Variants in RANBP2 observed in about 807,000 individuals in gnomAD.
RANBP2 encodes the protein RAN binding protein 2.
A neutral mutation model predicts 303.6 loss-of-function variants in RANBP2; 57 were observed. The ratio of observed to expected loss-of-function variants is 0.19; its 90% confidence interval spans 0.15 to 0.23. RANBP2 has a LOEUF of 0.23. Among genes scored for constraint, RANBP2 ranks in the 10% least tolerant of loss-of-function variants. The pLI is 1.00. For missense variants in RANBP2, 3,138 were observed against 3,780.8 expected (o/e 0.83, Z 4.46); for synonymous variants, 1,167 against 1,301.5 (o/e 0.90, Z 2.23).
chr2:109,473,290 G>C, the RANBP2 span, among the ~76,000 whole-genome samples: 1 of 152,228 alleles, frequency 6.6e-6, no homozygotes, highest in African/African-American at 2.4e-5. Flanking sequence ...GGGCCCTGCA[G>C]AGCCAGAGCC....
the RANBP2 span, among the ~76,000 whole-genome samples, chr2:109,703,968 G>A: frequency 6.6e-6 from 1 of 152,170 alleles, no homozygotes; most frequent in African/African-American, 2.4e-5. Context: ...AAAATGGCCT[G>A]GAGCTGCCAA....
chr2:109,437,018 G>A, the RANBP2 span: 1 of 1,613,774 alleles, frequency 6.2e-7, no homozygotes, highest in African/African-American at 1.3e-5. Flanking sequence ...ACTGCCACCA[G>A]GCCCGCCCTG....
rs566726097 is a variant in RANBP2 at position 108,738,392 on chromosome 2, C to G, written c.783-2097C>G. 3.1e-3 allele frequency among the ~76,000 whole-genome samples: 474 copies of G among 151,776 alleles called. 2 individuals carry two copies. The highest frequency in any genetic ancestry group is 5.7e-3 in the Non-Finnish European group (386 of 67,860). ...GCCCAGCTGGTCCTGATCTCTTGACCTCTTGATCCGTCTACCTTGGCCTCC... is the reference window on the plus strand; with the variant it reads ...GCCCAGCTGGTCCTGATCTCTTGACGTCTTGATCCGTCTACCTTGGCCTCC... On this transcript the variant is annotated intron_variant, in intron 6 of 28. Transcript: ENST00000283195.
the RANBP2 span, among the ~76,000 whole-genome samples, chr2:109,493,306 T>C: frequency 7.4e-6 from 1 of 135,396 alleles, no homozygotes; most frequent in African/African-American, 2.8e-5. Context: ...ATGCACACCA[T>C]GCAAATATAC....
chr2:108,788,923 A>G, downstream of RANBP2: 1 of 1,614,184 alleles, frequency 6.2e-7, no homozygotes, highest in South Asian at 1.1e-5. Flanking sequence ...CAAGCATTGT[A>G]GAACACCATT....
chr2:109,432,072 A>T, the RANBP2 span, among the ~76,000 whole-genome samples: 47 of 152,170 alleles, frequency 3.1e-4, no homozygotes, highest in Admixed American at 6.5e-4. Flanking sequence ...AGCTTAGCTC[A>T]CCCTCAGTTT....
the RANBP2 span, among the ~76,000 whole-genome samples, chr2:108,949,156 G>GT: frequency 6.6e-6 from 1 of 151,874 alleles, no homozygotes; most frequent in Non-Finnish European, 1.5e-5. Flanking sequence ...TTTTTTTGTA[G>GT]TTTTTTGTAG....
At chr2:108,903,446 AAAAT>A in the RANBP2 span, among the ~76,000 whole-genome samples, 2 of 152,176 alleles carry the variant, frequency 1.3e-5, no homozygotes, top group Admixed American at 6.5e-5. Flanking sequence ...TTTTGAAAAA[AAAAT>A]AAAGGAAAAT....
the RANBP2 span, among the ~76,000 whole-genome samples, chr2:109,357,235 G>A: frequency 1.7e-4 from 26 of 151,790 alleles, no homozygotes; most frequent in African/African-American, 5.6e-4. Flanking sequence ...AGGCTGGAGT[G>A]CAGTGGCACG....
intron 24 of RANBP2, among the ~76,000 whole-genome samples, chr2:108,776,858 G>A (rs2149314994): frequency 6.6e-6 from 1 of 152,170 alleles, no homozygotes; most frequent in Non-Finnish European, 1.5e-5. Context: ...TTAATATCTG[G>A]CTTAATATAG....
chr2:109,135,901 C>CT, the RANBP2 span, among the ~76,000 whole-genome samples: 1 of 152,182 alleles, frequency 6.6e-6, no homozygotes, highest in Admixed American at 6.5e-5. Flanking sequence ...CCATAATCTG[C>CT]TTTAAAAAAA....
the RANBP2 span, among the ~76,000 whole-genome samples, chr2:109,495,734 C>T: frequency 6.6e-6 from 1 of 152,042 alleles, no homozygotes; most frequent in African/African-American, 2.4e-5. Context: ...ACAAGTGATC[C>T]GCCCACCTCG....
chr2:108,765,348 C>A lies in RANBP2; in HGVS notation c.4809C>A (p.Phe1603Leu), dbSNP rs1241054631. Reference sequence around the variant, plus strand: ...CAAAGAGCGGATTTGAGGGAATGTTCACTAAGAAGGAGGGACAGTGGGATT... The same window carrying A: ...CAAAGAGCGGATTTGAGGGAATGTTAACTAAGAAGGAGGGACAGTGGGATT... Reference protein sequence around the residue: ...KAPKSGFEGMFTKKEGQWDCS... With the variant: ...KAPKSGFEGMLTKKEGQWDCS... Residue 1603 changes from phenylalanine to leucine, a missense_variant, in exon 20 of 29, where the codon TTC (phenylalanine) becomes TTA (leucine). Physicochemically the swap from Phe to Leu is conservative, Grantham distance 22. Transcript: ENST00000283195. 6.2e-7 allele frequency: 1 copy of A among 1,611,210 alleles called. No homozygotes were observed.
At chr2:108,902,202 C>T in the RANBP2 span, among the ~76,000 whole-genome samples, 60 of 147,084 alleles carry the variant, frequency 4.1e-4, no homozygotes, top group East Asian at 0.011. Flanking sequence ...AGTGAGACTC[C>T]GTCTCAAAAA....
the RANBP2 span, among the ~76,000 whole-genome samples, chr2:109,262,204 AG>A: frequency 6.6e-6 from 1 of 152,222 alleles, no homozygotes. Flanking sequence ...TCTTATTTAA[AG>A]AAGACCAACA....
the RANBP2 span, among the ~76,000 whole-genome samples, chr2:108,984,103 A>G: frequency 6.6e-6 from 1 of 152,192 alleles, no homozygotes; most frequent in Non-Finnish European, 1.5e-5. Flanking sequence ...TAGGGTCTTC[A>G]TAATTTTTCT....
chr2:109,311,927 A>T, the RANBP2 span, among the ~76,000 whole-genome samples: 1 of 152,068 alleles, frequency 6.6e-6, no homozygotes, highest in Non-Finnish European at 1.5e-5. Context: ...AGTGGATGAG[A>T]TGGAGTCACA....
chr2:109,172,331 G>A, the RANBP2 span, among the ~76,000 whole-genome samples: 1 of 152,240 alleles, frequency 6.6e-6, no homozygotes, highest in African/African-American at 2.4e-5. Flanking sequence ...GCGTGGAAAT[G>A]CGCGAGCCAG....
In RANBP2 at chr2:108,763,496, T is replaced by C. The variant is rs769652091; in HGVS notation, c.2957T>C (p.Ile986Thr). 6.2e-6 allele frequency: 10 copies of C among 1,614,038 alleles called. No individual in the cohort carries two copies. The highest frequency in any genetic ancestry group is 2.2e-5 in the East Asian group (1 of 44,892). Reference sequence around the variant, plus strand: ...CCAGGATATTTCACAAAACCTCCGATTGCAGCTCATGCTTCAAGATCTGCA... The same window carrying C: ...CCAGGATATTTCACAAAACCTCCGACTGCAGCTCATGCTTCAAGATCTGCA... ...PEPGYFTKPPIAAHASRSAES... is the reference protein window; with the variant it reads ...PEPGYFTKPPTAAHASRSAES... Residue 986 changes from isoleucine (I) to threonine (T), a missense_variant, in exon 20 of 29, where the codon ATT (isoleucine) becomes ACT (threonine). Transcript: ENST00000283195.
Sources: allele counts gnomAD v4.1 joint callset (sites outside exome capture counted in the v4.1 genomes callset), GRCh38; gene constraint gnomAD v4.1.1; transcripts MANE v1.5; gene names NCBI Gene and HGNC (gene_info 2026-07-23, HGNC 2026-07-21).